Variants in SNX9 observed in about 807,000 individuals in gnomAD.
SNX9 encodes the protein sorting nexin 9, also known as sorting nexin-9.
Under a neutral mutation model 89.4 loss-of-function variants are expected in SNX9, and 44 were observed. That is an observed-to-expected ratio of 0.49 (90% CI 0.39 to 0.63). The LOEUF (loss-of-function observed/expected upper bound fraction) is 0.63. Ranked by LOEUF, SNX9 falls within the 30% of genes least tolerant of loss-of-function variation. The probability of loss-of-function intolerance (pLI) is 0.00; values close to 1 mark genes in which losing one functional copy is unlikely to be tolerated. For missense variants in SNX9, 578 were observed against 736.1 expected (o/e 0.79, Z 2.49); for synonymous variants, 236 against 247.8 (o/e 0.95, Z 0.45).
At position 157,928,579 on chromosome 6, in the gene SNX9, A is replaced by G; in HGVS notation, c.1185-20A>G. The G allele has an allele frequency of 6.3e-7, 1 of 1,583,940 alleles. No homozygotes were observed. ...GCTGTTTCTCCTGCTTATGTGACTG[A>G]CGGCCGCCTTCACCCACAGAGAGCA... On this transcript the variant is annotated intron_variant, in intron 11 of 17. Coordinates refer to ENST00000392185, the MANE Select transcript of SNX9 (RefSeq NM_016224.5).
intron 4 of SNX9, among the ~76,000 whole-genome samples, chr6:157,894,648 C>T (rs1056297596): frequency 1.3e-5 from 2 of 151,966 alleles, no homozygotes; most frequent in African/African-American, 4.8e-5. Flanking sequence ...TTAAATTACT[C>T]AAAGGAATTA....
chr6:157,894,089 C>A (rs188184809), intron 4 of SNX9, among the ~76,000 whole-genome samples: 5 of 129,366 alleles, frequency 3.9e-5, no homozygotes, highest in African/African-American at 1.5e-4. Flanking sequence ...ATTTCTTTTT[C>A]TTTTCGCTTT....
chr6:157,841,907 A>C (rs950701595), intron 1 of SNX9, among the ~76,000 whole-genome samples: 11 of 152,224 alleles, frequency 7.2e-5, no homozygotes, highest in African/African-American at 2.4e-4. Flanking sequence ...AAAGTAGAAC[A>C]GCACAGTGAC....
At chr6:157,902,825 G>A (rs1213947309) in intron 6 of SNX9, among the ~76,000 whole-genome samples, 2 of 151,928 alleles carry the variant, frequency 1.3e-5, no homozygotes, top group Non-Finnish European at 2.9e-5. Flanking sequence ...GTGCCACCGC[G>A]CCCAGCTAAT....
chr6:157,881,724 C>G (rs934009852), intron 4 of SNX9, among the ~76,000 whole-genome samples: 1 of 152,160 alleles, frequency 6.6e-6, no homozygotes, highest in East Asian at 1.9e-4. Context: ...CCACAACATT[C>G]CCTTAAGCCA....
At chr6:157,837,415 A>C (rs1357604958) in intron 1 of SNX9, among the ~76,000 whole-genome samples, 1 of 152,248 alleles carries the variant, frequency 6.6e-6, no homozygotes, top group African/African-American at 2.4e-5. Context: ...TTATATAATG[A>C]AAATAACTTT....
At chr6:157,897,133 A>G (rs940828401) in intron 5 of SNX9, 135 bp downstream of exon 5, 330 of 836,116 alleles carry the variant, frequency 3.9e-4, no homozygotes, top group Middle Eastern at 2.2e-3. Flanking sequence ...ATGGGAAGGG[A>G]GGATTGCCCC....
intron 1 of SNX9, among the ~76,000 whole-genome samples, chr6:157,852,424 T>G (rs1457502518): frequency 1.3e-5 from 2 of 152,188 alleles, no homozygotes; most frequent in African/African-American, 2.4e-5. Flanking sequence ...TTTTCCTCCC[T>G]CCCTCCCTTC....
At chr6:157,919,027 T>C (rs899674624) in intron 9 of SNX9, among the ~76,000 whole-genome samples, 9 of 152,198 alleles carry the variant, frequency 5.9e-5, no homozygotes, top group African/African-American at 1.9e-4. Context: ...TAGAATCTTT[T>C]ACATTAATCC....
chr6:157,912,636 T>G lies in SNX9; in HGVS notation c.949+2611T>G, dbSNP rs111281601. Among the ~76,000 whole-genome samples, 460 of 152,290 alleles carry G rather than the reference T, an allele frequency of 3.0e-3. 4 individuals carry two copies. The highest frequency in any genetic ancestry group is 9.8e-3 in the African/African-American group (406 of 41,554). Reference sequence around the variant, plus strand: ...TCATTATTATGTAAGAATTCCCCTCTCGCTCAACTACTGGAGAAAAGAAAA... The same window carrying G: ...TCATTATTATGTAAGAATTCCCCTCGCGCTCAACTACTGGAGAAAAGAAAA... On this transcript the variant is annotated intron_variant, in intron 9 of 17. Transcript: ENST00000392185.
At chr6:157,902,979 G>GT (rs1199450332) in intron 6 of SNX9, among the ~76,000 whole-genome samples, 24 of 151,796 alleles carry the variant, frequency 1.6e-4, no homozygotes, top group Admixed American at 9.8e-4. Context: ...AAAAAAAAAA[G>GT]TTTTTAACAG....
chr6:157,868,474 T>G (rs1387927922), intron 2 of SNX9, among the ~76,000 whole-genome samples: 1 of 152,246 alleles, frequency 6.6e-6, no homozygotes. Context: ...GGGTACATTT[T>G]GTTTCATAAA....
At chr6:157,858,939 A>G (rs888131225) in intron 1 of SNX9, among the ~76,000 whole-genome samples, 8 of 152,196 alleles carry the variant, frequency 5.3e-5, no homozygotes, top group African/African-American at 1.9e-4. Context: ...GATTATTACA[A>G]TTCAGGGTGA....
intron 1 of SNX9, among the ~76,000 whole-genome samples, chr6:157,835,464 G>A (rs1237775411): frequency 2.1e-5 from 3 of 145,740 alleles, no homozygotes; most frequent in Non-Finnish European, 4.5e-5. Context: ...CCAGGCTGGA[G>A]TCCAGTGGTG....
At chr6:157,939,280 A>G (rs190998911) in intron 16 of SNX9, among the ~76,000 whole-genome samples, 58 of 152,350 alleles carry the variant, frequency 3.8e-4, no homozygotes, top group African/African-American at 1.4e-3. Context: ...GTTAGGAACA[A>G]AAGCCACAAA....
intron 5 of SNX9, among the ~76,000 whole-genome samples, chr6:157,899,207 ACT>A (rs1783042800): frequency 6.6e-6 from 1 of 151,248 alleles, no homozygotes; most frequent in Admixed American, 6.6e-5. Context: ...TTACTTCTTC[ACT>A]CTCATCTTTT....
chr6:157,895,796 G>C (rs965745135), intron 4 of SNX9, among the ~76,000 whole-genome samples: 9 of 152,234 alleles, frequency 5.9e-5, no homozygotes, highest in African/African-American at 2.2e-4. Context: ...TCCTGCACTA[G>C]GCCCCAGCAG....
Position 157,944,346 on chromosome 6 carries a change from C to G in SNX9, c.*1508C>G, listed in dbSNP as rs1483253653. 6.6e-6 allele frequency: 1 copy of G among 152,592 alleles called. No homozygotes were observed. Among genetic ancestry groups the G allele is most frequent in the East Asian group, 1.9e-4 (1 of 5,202 alleles). 9.5% of individuals were successfully genotyped at this position (152,592 alleles called of 1,614,324 possible). ...TTTTGTTAATGTTTCATAAGTAATT[C>G]TCCCCACTTGATTTTTCTTCTATAA... On this transcript the variant is annotated 3_prime_UTR_variant, in exon 18 of 18. Transcript: ENST00000392185.
In SNX9 at chr6:157,826,849, T is replaced by TATATATAAATATACATTATAGTTTATATA. The variant is rs1781362300; in HGVS notation, c.12+3416_12+3417insCATTATAGTTTATATAATATATAAATATA. On this transcript the variant is annotated intron_variant, in intron 1 of 17. Transcript: ENST00000392185. ...TATATTTTATATATATATTATATTT[T>TATATATAAATATACATTATAGTTTATATA]ATATATAAATATATATTATAGTTTA... Among the ~76,000 whole-genome samples, 2 of 44,270 alleles carry TATATATAAATATACATTATAGTTTATATA rather than the reference T, an allele frequency of 4.5e-5. 1 individual carries two copies. The highest frequency in any genetic ancestry group is 2.4e-4 in the African/African-American group (2 of 8,246). The allele number at this position is 44,270 out of a possible 152,430, so 29.0% of individuals were successfully genotyped here.
Sources: gnomAD v4.1 joint callset for allele counts (sites outside exome capture counted in the v4.1 genomes callset) on GRCh38, gnomAD v4.1.1 for gene constraint, MANE v1.5 for transcripts, NCBI Gene and HGNC (gene_info 2026-07-23, HGNC 2026-07-21) for gene names.